The following HELZ2 variants were observed in gnomAD, a reference collection of about 807,000 sequenced individuals.
HELZ2 encodes the protein helicase with zinc finger 2.
Under a neutral mutation model 208.8 loss-of-function variants are expected in HELZ2, and 143 were observed. That is an observed-to-expected ratio of 0.68 (90% CI 0.60 to 0.79). The LOEUF (loss-of-function observed/expected upper bound fraction) is 0.79, where lower values mean the gene tolerates loss of function less well. HELZ2 is among the 30% of genes least tolerant of loss of function. HELZ2 has a pLI of 0.00. For synonymous variants in HELZ2, 1,705 were observed against 1,693.7 expected (o/e 1.01, Z -0.16); for missense variants, 3,690 against 3,794.5 (o/e 0.97, Z 0.72).
chr20:63,562,954 G>T (rs766328244), exon 8 of HELZ2: 3 of 1,590,246 alleles, frequency 1.9e-6, no homozygotes, highest in East Asian at 2.3e-5. Flanking sequence ...CGGCAACCGC[G>T]CCGGTGGCCG....
downstream of HELZ2, chr20:63,559,158 C>T: frequency 7.4e-7 from 1 of 1,343,798 alleles, no homozygotes. Context: ...CTGGCCCAGG[C>T]AGGCTGATGG....
chr20:63,561,919 C>T (rs766765078), exon 11 of HELZ2: 5 of 1,595,386 alleles, frequency 3.1e-6, no homozygotes, highest in Non-Finnish European at 4.3e-6. Context: ...CCGGGCTGCA[C>T]CTGCTCCTGG....
In HELZ2 at chr20:63,572,338, G is replaced by GT. The variant is rs1274175517; in HGVS notation, c.47dup (p.Asp16GlufsTer9). 4 of 1,577,080 alleles carry GT rather than the reference G, an allele frequency of 2.5e-6. No individual in the cohort carries two copies. The highest frequency in any genetic ancestry group is 3.6e-5 in the Admixed American group (2 of 56,106). ...CATCAGGGGCAGGGGGTGTGAGCAG[G>GT]TCCCCCCGCTGGAGGCCACCCAGCT... On this transcript the variant is annotated frameshift_variant, in exon 1 of 19. Transcript: ENST00000467148. LOFTEE classifies it high-confidence loss of function.
intron 3 of HELZ2, 104 bp downstream of exon 4, chr20:63,570,400 G>A: frequency 1.1e-6 from 1 of 908,878 alleles, no homozygotes; most frequent in Non-Finnish European, 1.8e-6. Context: ...GAGCGGCAGT[G>A]CCTCGGTATT....
exon 18 of HELZ2, chr20:63,560,081 A>G: frequency 6.2e-7 from 1 of 1,602,422 alleles, no homozygotes; most frequent in Non-Finnish European, 8.5e-7. Context: ...ACCAGCACAT[A>G]GCGCCACTCG....
At chr20:63,567,292 C>T (rs374235801) in exon 6 of HELZ2, 7 of 1,610,074 alleles carry the variant, frequency 4.3e-6, no homozygotes, top group East Asian at 2.2e-5. Flanking sequence ...CAGCACGAGG[C>T]GGGTGCCGTG....
At chr20:63,559,991 C>G in exon 18 of HELZ2, 2 of 1,612,346 alleles carry the variant, frequency 1.2e-6, no homozygotes, top group Non-Finnish European at 1.7e-6. Context: ...GGGTCCACAA[C>G]GAAGCCCAGA....
At chr20:63,566,086 C>A (rs746235974) in exon 8 of HELZ2, 1 of 1,585,826 alleles carries the variant, frequency 6.3e-7, no homozygotes, top group East Asian at 2.3e-5. Flanking sequence ...CGGCGTCCCC[C>A]ACTACCACCA....
In HELZ2 at chr20:63,559,357, A is replaced by T. The variant is rs748337036; in HGVS notation, c.7839T>A (p.Leu2613=). The stretch of plus-strand genomic sequence containing the variant: ...TACGCCAGAGGGGGCAGCAGCGCAG[A>T]AGGAGGTGGTCTCCTGTGAGGGTGG... Residue 2613 remains leucine (L), a synonymous_variant, in exon 19 of 19, where the codon CTT becomes CTA. Coordinates refer to ENST00000467148, the Ensembl canonical transcript of HELZ2. 2.3e-5 allele frequency: 36 copies of T among 1,598,052 alleles called. No individual in the cohort carries two copies. The South Asian group carries it at 3.7e-4, about 16-fold the overall frequency.
At chr20:63,559,356 G>C (rs182052298) in exon 19 of HELZ2, 1 of 1,598,780 alleles carries the variant, frequency 6.3e-7, no homozygotes, top group East Asian at 2.2e-5. Flanking sequence ...CAGCAGCGCA[G>C]AAGGAGGTGG....
chr20:63,568,300 C>T (rs574395925), intron 5 of HELZ2, 58 bp downstream of exon 6: 32 of 1,319,394 alleles, frequency 2.4e-5, no homozygotes, highest in East Asian at 2.1e-4. Context: ...ACCGCCTGCC[C>T]GGTGTAGACT....
At chr20:63,568,739 G>T (rs756590481) in exon 5 of HELZ2, 2 of 1,604,472 alleles carry the variant, frequency 1.2e-6, no homozygotes, top group Admixed American at 3.4e-5. Flanking sequence ...GCAGCGGGCC[G>T]GAAGCAGCAG....
rs752333347 is a variant in HELZ2, at chr20:63,561,940, G to C, written c.6574C>G (p.His2192Asp). ...TGCACCTGCTCCTGGTTTGATTTAT[G>C]AAACCAGAATACGATGTGGAGGCCC... The change falls in exon 11 of 19, where the codon CAT (histidine) becomes GAT (aspartate). Residue 2192 changes from histidine (H) to aspartate (D), a missense_variant. Physicochemically the swap from His to Asp is moderately conservative, Grantham distance 81 (BLOSUM62 -1). Coordinates refer to ENST00000467148, the Ensembl canonical transcript of HELZ2. 13 of 1,602,746 alleles carry C rather than the reference G, an allele frequency of 8.1e-6. No homozygotes were observed. The Admixed American group carries it at 1.0e-4, about 13-fold the overall frequency.
At chr20:63,562,713 G>A (rs2082902529) in exon 8 of HELZ2, 1 of 1,601,160 alleles carries the variant, frequency 6.2e-7, no homozygotes, top group South Asian at 1.1e-5. Context: ...TACGTGCCGG[G>A]GTCAACATTC....
chr20:63,571,960 G>A (rs1600986766), intron 1 of HELZ2, 148 bp downstream of exon 2: 11 of 811,686 alleles, frequency 1.4e-5, no homozygotes, highest in East Asian at 2.8e-5. Flanking sequence ...CTCTGCCTAC[G>A]GTGGGCTCCT....
At chr20:63,566,440 C>T in exon 7 of HELZ2, 1 of 1,548,436 alleles carries the variant, frequency 6.5e-7, no homozygotes, top group Non-Finnish European at 8.7e-7. Context: ...CAGCTCCTGC[C>T]TCAGTGCACT....
In HELZ2 at chr20:63,559,858, C is replaced by A. The variant is rs1410701395; in HGVS notation, c.7825+70G>T. 8.5e-6 allele frequency: 13 copies of A among 1,536,950 alleles called. 2 individuals are homozygous for A. Among genetic ancestry groups the A allele is most frequent in the Non-Finnish European group, 2.6e-6 (3 of 1,134,770 alleles). The stretch of plus-strand genomic sequence containing the variant: ...GTCGGAGTCAGGGTCAGGCAGGAGT[C>A]GGCAGCTCCCTAGCCCAGCCCTGGC... On this transcript the variant is annotated intron_variant, in intron 18 of 18. Coordinates refer to ENST00000467148, the Ensembl canonical transcript of HELZ2.
rs774691454 is a variant in HELZ2 at position 63,559,381 on chromosome 20, G to A, written c.7826-11C>T. On this transcript the variant is annotated splice_polypyrimidine_tract_variant and intron_variant, in intron 18 of 18. Coordinates refer to ENST00000467148, the Ensembl canonical transcript of HELZ2. ...GAAGGAGGTGGTCTCCTGTGAGGGT[G>A]GGAGTCAGATGGGAGTCAGTCAGGG... 8.2e-6 allele frequency: 13 copies of A among 1,586,706 alleles called. No individual in the cohort carries two copies. The highest frequency in any genetic ancestry group is 1.1e-5 in the South Asian group (1 of 88,952).
At chr20:63,565,813 C>T (rs1262709705) in exon 8 of HELZ2, 4 of 1,599,400 alleles carry the variant, frequency 2.5e-6, no homozygotes, top group Non-Finnish European at 3.4e-6. Flanking sequence ...GGCTCAGAGC[C>T]TCATCTCCCG....
Sources: allele counts gnomAD v4.1 joint callset, GRCh38; gene constraint gnomAD v4.1.1; transcripts MANE v1.5; gene names NCBI Gene and HGNC (gene_info 2026-07-23, HGNC 2026-07-21).